HEATR4: variants seen among roughly 807,000 people sequenced by gnomAD.
HEATR4 encodes HEAT repeat-containing protein 4.
In HEATR4, 95 loss-of-function variants were observed where a neutral mutation model predicts 108.8. The ratio of observed to expected loss-of-function variants is 0.87; its 90% CI spans 0.74 to 1.04. HEATR4 has a LOEUF of 1.04. HEATR4 is among the 50% of genes least tolerant of loss of function. HEATR4 has a pLI of 0.00. For synonymous variants in HEATR4, 443 were observed against 459.4 expected (o/e 0.96, Z 0.46); for missense variants, 1,152 against 1,253.8 (o/e 0.92, Z 1.23).
the HEATR4 span, chr14:73,595,143 T>C: frequency 6.2e-7 from 1 of 1,614,220 alleles, no homozygotes; most frequent in Non-Finnish European, 8.5e-7. Flanking sequence ...TCAGCCACAG[T>C]TTCCATCAAT....
chr14:73,584,347 C>T, the HEATR4 span, among the ~76,000 whole-genome samples: 1 of 151,868 alleles, frequency 6.6e-6, no homozygotes, highest in African/African-American at 2.4e-5. Context: ...TCTTTTTCTG[C>T]CTTATGCCCC....
chr14:73,570,317 C>G, the HEATR4 span, among the ~76,000 whole-genome samples: 2 of 151,822 alleles, frequency 1.3e-5, no homozygotes, highest in Non-Finnish European at 2.9e-5. Context: ...CGCTTGTAAT[C>G]CCAGCACTTT....
chr14:73,615,045 C>G, the HEATR4 span, among the ~76,000 whole-genome samples: 1 of 142,406 alleles, frequency 7.0e-6, no homozygotes, highest in Non-Finnish European at 1.5e-5. Flanking sequence ...GCCAAGATCG[C>G]ACCGTTGCAC....
chr14:73,506,468 A>G lies in HEATR4; in HGVS notation c.1985T>C (p.Leu662Ser). The change falls in exon 10 of 18, where the codon TTG becomes TCG. Residue 662 changes from leucine (L) to serine (S), a missense_variant and splice_region_variant. Coordinates refer to ENST00000553558, the MANE Select transcript of HEATR4 (RefSeq NM_001220484.1). Reference sequence around the variant, plus strand: ...CTGGAGGCAAAGAAAGAGGTTTACCAAGCAGACATTTCCACTGATCCGGGA... The same window carrying G: ...CTGGAGGCAAAGAAAGAGGTTTACCGAGCAGACATTTCCACTGATCCGGGA... Reference protein sequence around the residue: ...AFSRISGNVCLDMKHKLIQLM... With the variant: ...AFSRISGNVCSDMKHKLIQLM... 6.2e-7 allele frequency: 1 copy of G among 1,612,458 alleles called. No homozygotes were observed. The highest frequency in any genetic ancestry group is 1.1e-5 in the South Asian group (1 of 91,064).
chr14:73,523,256 C>T, intron 2 of HEATR4, 32 bp from the exon 3 acceptor site: 2 of 1,165,782 alleles, frequency 1.7e-6, no homozygotes, highest in Non-Finnish European at 2.3e-6. Flanking sequence ...CTGATGAGAA[C>T]TCTAGAGCAG....
intron 2 of HEATR4, among the ~76,000 whole-genome samples, chr14:73,526,113 G>A (rs1329362030): frequency 6.6e-6 from 1 of 151,672 alleles, no homozygotes; most frequent in Non-Finnish European, 1.5e-5. Flanking sequence ...CAACAGCTTG[G>A]AGAGAGAATC....
chr14:73,494,659 T>G (rs1885991638), intron 16 of HEATR4, among the ~76,000 whole-genome samples: 1 of 152,184 alleles, frequency 6.6e-6, no homozygotes, highest in Admixed American at 6.6e-5. Context: ...CAAGCAATCC[T>G]CCCATCTCAG....
the HEATR4 span, chr14:73,617,043 T>C: frequency 9.0e-7 from 1 of 1,116,890 alleles, no homozygotes; most frequent in Admixed American, 1.7e-5. Flanking sequence ...CAGGGGCCTT[T>C]GTGAATACAG....
intron 10 of HEATR4, among the ~76,000 whole-genome samples, chr14:73,504,160 C>T (rs1313494316): frequency 1.3e-5 from 2 of 151,288 alleles, no homozygotes; most frequent in South Asian, 2.1e-4. Context: ...TCACTGCAAC[C>T]TCCGCCTCCT....
the HEATR4 span, among the ~76,000 whole-genome samples, chr14:73,622,959 G>A: frequency 1.3e-5 from 2 of 151,914 alleles, no homozygotes; most frequent in East Asian, 1.9e-4. Flanking sequence ...GCCTGGGCTG[G>A]AGTGCAATGG....
chr14:73,595,235 A>C, the HEATR4 span: 2 of 1,614,208 alleles, frequency 1.2e-6, no homozygotes, highest in South Asian at 2.2e-5. Flanking sequence ...GAGGAGAATC[A>C]AGGTAGCTTT....
the HEATR4 span, chr14:73,612,639 T>C: frequency 1.2e-5 from 17 of 1,404,520 alleles, no homozygotes; most frequent in African/African-American, 1.5e-4. Context: ...CGCATCGCAG[T>C]GCGCGGCCTG....
chr14:73,513,484 C>T (rs908255214), intron 6 of HEATR4, among the ~76,000 whole-genome samples: 20 of 144,594 alleles, frequency 1.4e-4, no homozygotes, highest in Admixed American at 6.3e-4. Context: ...AGGGCTGGCG[C>T]GGTGGCCAAG....
At chr14:73,590,282 G>A in the HEATR4 span, among the ~76,000 whole-genome samples, 3 of 152,314 alleles carry the variant, frequency 2.0e-5, no homozygotes, top group African/African-American at 7.2e-5. Context: ...AGATTAGCTA[G>A]ATACAGAGTG....
the HEATR4 span, chr14:73,569,589 G>A: frequency 6.2e-6 from 10 of 1,601,182 alleles, no homozygotes; most frequent in South Asian, 2.2e-5. Context: ...CTACCGCGCC[G>A]ACACTCTTGG....
chr14:73,566,094 T>G, the HEATR4 span, among the ~76,000 whole-genome samples: 4 of 152,158 alleles, frequency 2.6e-5, no homozygotes, highest in African/African-American at 9.6e-5. Context: ...CCAGAGTAGC[T>G]AGATACAGAG....
At chr14:73,485,515 A>C (rs916479800) in intron 17 of HEATR4, among the ~76,000 whole-genome samples, 26 of 149,650 alleles carry the variant, frequency 1.7e-4, no homozygotes, top group Non-Finnish European at 3.1e-4. Context: ...CCATCCTCCC[A>C]CCTTAGCCTC....
the HEATR4 span, chr14:73,633,646 G>C: frequency 6.6e-6 from 1 of 152,248 alleles, no homozygotes; most frequent in East Asian, 1.9e-4. Context: ...GAGGCGGCCA[G>C]AGGCCGGCAC....
At chr14:73,630,204 T>C in the HEATR4 span, among the ~76,000 whole-genome samples, 1 of 151,992 alleles carries the variant, frequency 6.6e-6, no homozygotes, top group African/African-American at 2.4e-5. Flanking sequence ...GACACAGCCC[T>C]CCTGCACAAA....
Sources: allele counts gnomAD v4.1 joint callset (sites outside exome capture counted in the v4.1 genomes callset), GRCh38; gene constraint gnomAD v4.1.1; transcripts MANE v1.5; gene names NCBI Gene and HGNC (gene_info 2026-07-23, HGNC 2026-07-21).